SPTBN1: variants seen among roughly 807,000 people sequenced by gnomAD.
SPTBN1 encodes the protein spectrin beta, non-erythrocytic 1.
In SPTBN1, 32 loss-of-function variants were observed where a neutral mutation model predicts 266.4. That is an observed-to-expected ratio of 0.12 (90% confidence interval 0.09 to 0.16). The LOEUF (loss-of-function observed/expected upper bound fraction) is 0.16. Among genes scored for constraint, SPTBN1 ranks in the 10% least tolerant of loss-of-function variants. The pLI is 1.00. For missense variants in SPTBN1, 2,296 were observed against 3,067.1 expected (o/e 0.75, Z 5.94); for synonymous variants, 1,336 against 1,162.2 (o/e 1.15, Z -3.04).
chr2:54,647,629 A>AG (rs1396600607), intron 24 of SPTBN1, among the ~76,000 whole-genome samples: 1 of 152,166 alleles, frequency 6.6e-6, no homozygotes, highest in East Asian at 1.9e-4. Context: ...GCTTGAGCCC[A>AG]GGGGGCCAAA....
At chr2:54,456,593 C>CGGGCGGGAGGAGGGGCGCGGGCCCA (rs1693042890) in intron 1 of SPTBN1, 75 bp downstream of exon 1, 2 of 151,526 alleles carry the variant, frequency 1.3e-5, no homozygotes, top group Non-Finnish European at 2.9e-5. Context: ...CGGCGGCGGA[C>CGGGCGGGAGGAGGGGCGCGGGCCCA]GGGCGGGAGG....
intron 2 of SPTBN1, among the ~76,000 whole-genome samples, chr2:54,592,834 A>T (rs1675772643): frequency 6.6e-6 from 1 of 152,192 alleles, no homozygotes. Context: ...GGAGTGGGAG[A>T]GAAAGAGCCG....
intron 2 of SPTBN1, among the ~76,000 whole-genome samples, chr2:54,566,843 T>A (rs1022363483): frequency 6.6e-6 from 1 of 151,576 alleles, no homozygotes; most frequent in East Asian, 1.9e-4. Flanking sequence ...AAAAAAAAAG[T>A]TTGATGATTG....
chr2:54,536,981 C>T (rs550725930), intron 2 of SPTBN1, among the ~76,000 whole-genome samples: 2 of 152,262 alleles, frequency 1.3e-5, no homozygotes, highest in South Asian at 4.1e-4. Flanking sequence ...TACAGTGAGC[C>T]GTGATTGTGC....
intron 17 of SPTBN1, among the ~76,000 whole-genome samples, chr2:54,635,627 T>G (rs1192770252): frequency 6.6e-6 from 1 of 152,244 alleles, no homozygotes; most frequent in Non-Finnish European, 1.5e-5. Flanking sequence ...ATTTCTGTTA[T>G]TTCCGTGAGA....
At chr2:54,612,889 C>G (rs185738774) in intron 4 of SPTBN1, among the ~76,000 whole-genome samples, 7 of 152,136 alleles carry the variant, frequency 4.6e-5, no homozygotes, top group African/African-American at 1.7e-4. Context: ...ATTGATGATG[C>G]TTTATGGGTT....
At chr2:54,567,184 A>G (rs925326999) in intron 2 of SPTBN1, among the ~76,000 whole-genome samples, 38 of 152,150 alleles carry the variant, frequency 2.5e-4, no homozygotes, top group Non-Finnish European at 4.4e-5. Flanking sequence ...GAGGTAGGGG[A>G]ATCTGTGCAG....
chr2:54,471,800 A>AGTTTTTTTTTTT (rs748708411), intron 1 of SPTBN1, among the ~76,000 whole-genome samples: 1 of 102,718 alleles, frequency 9.7e-6, no homozygotes, highest in Non-Finnish European at 1.9e-5. Context: ...TTTTTTATCG[A>AGTTTTTTTTTTT]TTTTTTTTTT....
At chr2:54,638,253 C>T (rs1679286437) in intron 18 of SPTBN1, among the ~76,000 whole-genome samples, 1 of 152,188 alleles carries the variant, frequency 6.6e-6, no homozygotes, top group Non-Finnish European at 1.5e-5. Flanking sequence ...TATTGATGTC[C>T]TAGAATATTG....
chr2:54,482,357 GAAAAAAA>G (rs66491029), intron 1 of SPTBN1, among the ~76,000 whole-genome samples: 1 of 143,330 alleles, frequency 7.0e-6, no homozygotes, highest in Non-Finnish European at 1.5e-5. Context: ...TCTACAGCAG[GAAAAAAA>G]AAAAAAGAAA....
chr2:54,457,064 C>T (rs1161696721), intron 1 of SPTBN1, among the ~76,000 whole-genome samples: 1 of 151,510 alleles, frequency 6.6e-6, no homozygotes, highest in African/African-American at 2.4e-5. Context: ...GGCGTGGTCC[C>T]GGCTGCGCCG....
chr2:54,598,917 T>C (rs568809592), intron 2 of SPTBN1, among the ~76,000 whole-genome samples, 175 bp from the exon 3 acceptor site: 22 of 152,328 alleles, frequency 1.4e-4, no homozygotes, highest in African/African-American at 5.1e-4. Flanking sequence ...GAACCATCAG[T>C]AATCAGTGTT....
chr2:54,493,041 T>A (rs1418071074), intron 1 of SPTBN1, among the ~76,000 whole-genome samples: 1 of 146,202 alleles, frequency 6.8e-6, no homozygotes, highest in African/African-American at 2.6e-5. Context: ...GGTCTCACTC[T>A]ATTGCCCAGA....
At chr2:54,598,424 A>T (rs983431119) in intron 2 of SPTBN1, among the ~76,000 whole-genome samples, 1 of 151,354 alleles carries the variant, frequency 6.6e-6, no homozygotes, top group Non-Finnish European at 1.5e-5. Context: ...AGACTTCCCG[A>T]TGCCTGCGAT....
At position 54,630,950 on chromosome 2, in the gene SPTBN1, A is replaced by C. The variant is rs774909034; in HGVS notation, c.2903A>C (p.Lys968Thr). The C allele has an allele frequency of 1.2e-6, 2 of 1,614,080 alleles. No homozygotes were observed. The highest frequency in any genetic ancestry group is 1.7e-6 in the Non-Finnish European group (2 of 1,180,020). Residue 968 changes from lysine to threonine, a missense_variant, in exon 16 of 36, where the codon AAA becomes ACA. This residue lies in a region of SPTBN1 where 128 missense variants were observed against 176.5 expected (regional missense o/e 0.73). Coordinates refer to ENST00000356805, the MANE Select transcript of SPTBN1 (RefSeq NM_003128.3). ...QNYHLECNET[K>T]SWIREKTKVI... is the part of the protein sequence containing the mutation. ...TACCACCTCGAGTGCAATGAAACCAAATCCTGGATTCGGGAAAAGACCAAG... is the reference window on the plus strand; with the variant it reads ...TACCACCTCGAGTGCAATGAAACCACATCCTGGATTCGGGAAAAGACCAAG...
chr2:54,580,484 T>G lies in SPTBN1; in HGVS notation c.149-18608T>G, dbSNP rs540578953. On this transcript the variant is annotated intron_variant, in intron 2 of 35. Transcript: ENST00000356805. ...TCTCCACATTATCAGGAAAACAATT[T>G]GAAGCACAGGTCTTGTGAATTGGGA... Among the ~76,000 whole-genome samples the G allele has an allele frequency of 7.9e-5, 12 of 152,268 alleles. No homozygotes were observed. In the South Asian group the frequency reaches 2.5e-3, roughly 32 times the overall value.
rs71408777 is a variant in SPTBN1, at chr2:54,594,833, C to CT, written c.149-4241dup. Reference sequence around the variant, plus strand: ...GATTCCATGACCCTCTGGTAAGTTTCTTTTTTTTTTTTTTTTTTGAGACAG... The same window carrying CT: ...GATTCCATGACCCTCTGGTAAGTTTCTTTTTTTTTTTTTTTTTTTGAGACAG... On this transcript the variant is annotated intron_variant, in intron 2 of 35. Coordinates refer to ENST00000356805, the MANE Select transcript of SPTBN1 (RefSeq NM_003128.3). 4.7e-3 allele frequency among the ~76,000 whole-genome samples: 494 copies of CT among 104,656 alleles called. 18 individuals are homozygous for CT. The Middle Eastern group carries it at 0.058, about 12-fold the overall frequency. 68.7% of individuals were successfully genotyped at this position (104,656 alleles called of 152,430 possible).
intron 32 of SPTBN1, chr2:54,660,782 A>T (rs1022659425): frequency 1.1e-4 from 108 of 985,322 alleles, no homozygotes; most frequent in Non-Finnish European, 1.2e-4. Context: ...AGCCAGCCTC[A>T]GGAGTAAAGT....
intron 18 of SPTBN1, among the ~76,000 whole-genome samples, chr2:54,641,264 T>C (rs183082348): frequency 1.3e-5 from 2 of 152,124 alleles, no homozygotes; most frequent in African/African-American, 2.4e-5. Flanking sequence ...AGAGCAGATT[T>C]GTTTATAAGC....
Sources: allele counts gnomAD v4.1 joint callset (sites outside exome capture counted in the v4.1 genomes callset), GRCh38; gene constraint gnomAD v4.1.1; regional missense constraint gnomAD v4.1.1; transcripts MANE v1.5; gene names NCBI Gene and HGNC (gene_info 2026-07-23, HGNC 2026-07-21).